Variants in LAMA2 observed in about 807,000 individuals in gnomAD.
LAMA2 encodes the protein laminin subunit alpha-2.
LAMA2 carries 269 observed loss-of-function variants against 364.8 expected under a neutral mutation model. The ratio of observed to expected loss-of-function variants is 0.74; its 90% CI spans 0.67 to 0.82. The LOEUF (loss-of-function observed/expected upper bound fraction) is 0.82. Ranked by LOEUF, LAMA2 falls within the 40% of genes least tolerant of loss-of-function variation. The probability of loss-of-function intolerance (pLI) is 0.00; values close to 1 mark genes in which losing one functional copy is unlikely to be tolerated. For synonymous variants in LAMA2, 1,379 were observed against 1,370.6 expected (o/e 1.01, Z -0.14); for missense variants, 3,807 against 3,873.2 (o/e 0.98, Z 0.45).
intron 1 of LAMA2, among the ~76,000 whole-genome samples, chr6:128,995,676 GC>G (rs1783892038): frequency 6.6e-6 from 1 of 152,000 alleles, no homozygotes; most frequent in Non-Finnish European, 1.5e-5. Context: ...CTGTTGTATT[GC>G]CCAGTGTCTG....
intron 3 of LAMA2, among the ~76,000 whole-genome samples, chr6:129,091,504 G>T (rs1774825963): frequency 1.3e-5 from 2 of 152,286 alleles, no homozygotes; most frequent in South Asian, 4.1e-4. Context: ...GAAATGGCCT[G>T]TTTGCTTACC....
rs758775001 is a variant in LAMA2, at chr6:129,391,535, C to T, written c.5116C>T (p.Arg1706Ter). The T allele has an allele frequency of 1.7e-5, 28 of 1,613,640 alleles. No individual in the cohort carries two copies. Among genetic ancestry groups the T allele is most frequent in the East Asian group, 4.5e-5 (2 of 44,868 alleles). ...AIKLNETLGT[R>*]DEAFERNLEG... is the part of the protein sequence containing the mutation. ...AAAACTAAATGAAACTCTAGGAACT[C>T]GAGACGAGGCCTTTGAGAGAAATTT... Residue 1706 changes from arginine to a stop codon, truncating the protein, a stop_gained, in exon 36 of 65, where the codon CGA becomes TGA. Transcript: ENST00000421865. LOFTEE classifies it high-confidence loss of function.
At chr6:129,313,417 AG>A (rs1774357679) in intron 23 of LAMA2, among the ~76,000 whole-genome samples, 1 of 152,196 alleles carries the variant, frequency 6.6e-6, no homozygotes, top group African/African-American at 2.4e-5. Context: ...GAGGGGTGGC[AG>A]GGAAGACAGT....
chr6:129,487,232 A>C (rs867449899), intron 56 of LAMA2, among the ~76,000 whole-genome samples: 1 of 152,232 alleles, frequency 6.6e-6, no homozygotes, highest in Non-Finnish European at 1.5e-5. Flanking sequence ...CAAATCTACC[A>C]GAGTGCTTGC....
chr6:128,969,491 G>C (rs978074696), intron 1 of LAMA2, among the ~76,000 whole-genome samples: 1 of 152,026 alleles, frequency 6.6e-6, no homozygotes, highest in African/African-American at 2.4e-5. Flanking sequence ...GAGTGTAGTG[G>C]TGTGATCTCA....
At chr6:129,194,381 T>G (rs185873837) in intron 12 of LAMA2, among the ~76,000 whole-genome samples, 25 of 152,258 alleles carry the variant, frequency 1.6e-4, no homozygotes, top group Non-Finnish European at 1.2e-4. Flanking sequence ...TTTTTTTTTC[T>G]GTTGGCTGAC....
At chr6:128,986,653 G>C (rs984898060) in intron 1 of LAMA2, among the ~76,000 whole-genome samples, 1 of 151,648 alleles carries the variant, frequency 6.6e-6, no homozygotes, top group Non-Finnish European at 1.5e-5. Context: ...TGGCTGAAAT[G>C]ACTTTGAAAG....
chr6:129,169,114 C>T (rs1779962871), intron 9 of LAMA2, among the ~76,000 whole-genome samples: 1 of 151,930 alleles, frequency 6.6e-6, no homozygotes, highest in South Asian at 2.1e-4. Context: ...CAAACGGGGA[C>T]AATTTGACTT....
chr6:129,281,276 A>G (rs1788699758), intron 18 of LAMA2, among the ~76,000 whole-genome samples: 1 of 152,112 alleles, frequency 6.6e-6, no homozygotes, highest in Admixed American at 6.6e-5. Flanking sequence ...TAATAGGAGA[A>G]CATATCATTG....
At chr6:129,329,527 A>T (rs1298281313) in intron 29 of LAMA2, among the ~76,000 whole-genome samples, 5 of 151,664 alleles carry the variant, frequency 3.3e-5, no homozygotes, top group Non-Finnish European at 7.4e-5. Flanking sequence ...ACACCTGGAT[A>T]TTTTTTTTAT....
chr6:128,907,402 T>G (rs1398172214), intron 1 of LAMA2, among the ~76,000 whole-genome samples: 1 of 151,812 alleles, frequency 6.6e-6, no homozygotes, highest in Non-Finnish European at 1.5e-5. Flanking sequence ...GAAGCAATTG[T>G]GAATGGGAGT....
intron 15 of LAMA2, among the ~76,000 whole-genome samples, chr6:129,263,336 GGAAATAAACAGGGT>G (rs1188439858): frequency 6.6e-6 from 1 of 152,106 alleles, no homozygotes; most frequent in Non-Finnish European, 1.5e-5. Flanking sequence ...ATTCTATGAA[GGAAATAAACAGGGT>G]GAAATAAACA....
At chr6:129,172,289 T>C (rs1209811819) in intron 9 of LAMA2, among the ~76,000 whole-genome samples, 2 of 152,144 alleles carry the variant, frequency 1.3e-5, no homozygotes, top group Non-Finnish European at 2.9e-5. Context: ...TTCTGTTTTT[T>C]CCCCATCTTT....
chr6:128,947,971 G>C (rs1377680469), intron 1 of LAMA2, among the ~76,000 whole-genome samples: 1 of 152,082 alleles, frequency 6.6e-6, no homozygotes, highest in Non-Finnish European at 1.5e-5. Flanking sequence ...GCCTTAAGGA[G>C]GAGAAAGAAA....
intron 40 of LAMA2, among the ~76,000 whole-genome samples, chr6:129,411,530 A>G (rs1005971392): frequency 1.3e-5 from 2 of 152,152 alleles, no homozygotes; most frequent in Non-Finnish European, 2.9e-5. Flanking sequence ...TCTTATAGCA[A>G]ATTTCCCAGT....
intron 12 of LAMA2, among the ~76,000 whole-genome samples, chr6:129,241,526 G>A (rs2127101): frequency 0.049 from 7,443 of 152,176 alleles, 276 homozygotes; most frequent in Non-Finnish European, 0.068. Flanking sequence ...AGCAAACTTC[G>A]GAGGTAGGTG....
At chr6:129,100,274 C>T (rs1285263170) in intron 4 of LAMA2, among the ~76,000 whole-genome samples, 2 of 152,146 alleles carry the variant, frequency 1.3e-5, no homozygotes, top group Non-Finnish European at 2.9e-5. Context: ...TCCTAAACAA[C>T]ACTTACTAAA....
intron 9 of LAMA2, among the ~76,000 whole-genome samples, chr6:129,171,120 C>G (rs1264891797): frequency 6.6e-6 from 1 of 152,074 alleles, no homozygotes; most frequent in Non-Finnish European, 1.5e-5. Flanking sequence ...GGTCTTGACT[C>G]TTTATCCAAT....
chr6:129,428,253 G>C (rs1225878480), intron 41 of LAMA2, among the ~76,000 whole-genome samples: 1 of 152,104 alleles, frequency 6.6e-6, no homozygotes, highest in African/African-American at 2.4e-5. Flanking sequence ...AACATAGCAA[G>C]ATCCTGTCTC....
Sources: allele counts gnomAD v4.1 joint callset (sites outside exome capture counted in the v4.1 genomes callset), GRCh38; gene constraint gnomAD v4.1.1; transcripts MANE v1.5; gene names NCBI Gene and HGNC (gene_info 2026-07-23, HGNC 2026-07-21).